The following ZRSR2 variants were observed in gnomAD, a reference collection of about 807,000 sequenced individuals.
ZRSR2 encodes the protein U2 small nuclear ribonucleoprotein auxiliary factor 35 kDa subunit-related protein 2.
Under a neutral mutation model 39.4 loss-of-function variants are expected in ZRSR2, and 3 were observed. The ratio of observed to expected loss-of-function variants is 0.08; its 90% CI spans 0.03 to 0.20. The LOEUF (loss-of-function observed/expected upper bound fraction) is 0.20. Ranked by LOEUF, ZRSR2 falls within the 10% of genes least tolerant of loss-of-function variation. The pLI is 1.00. For missense variants in ZRSR2, 256 were observed against 391.5 expected, an observed-to-expected ratio of 0.65 and a Z score of 2.92; for synonymous variants, 137 against 136.0, an observed-to-expected ratio of 1.01 and a Z score of -0.05.
intron 7 of ZRSR2, among the ~76,000 whole-genome samples, chrX:15,812,131 A>G (rs754907715): frequency 3.7e-4 from 41 of 109,886 alleles, no homozygotes; most frequent in Non-Finnish European, 6.3e-4. Context: ...GGGTTTCACC[A>G]TGTTAGCCAG....
chrX:15,815,979 G>T (rs1932967913), intron 8 of ZRSR2, 89 bp downstream of exon 8: 2 of 766,575 alleles, frequency 2.6e-6, no homozygotes, highest in Non-Finnish European at 3.7e-6. Context: ...CTCAGCTGGG[G>T]TCAGGCACGC....
chrX:15,799,383 TAA>T (rs963418718), intron 2 of ZRSR2, among the ~76,000 whole-genome samples: 1 of 110,564 alleles, frequency 9.0e-6, no homozygotes, highest in African/African-American at 3.3e-5. Context: ...TTTTTCTACT[TAA>T]GTTTTTCTCC....
chrX:15,822,234 C>T (rs1933126019), intron 10 of ZRSR2, among the ~76,000 whole-genome samples: 1 of 111,710 alleles, frequency 9.0e-6, no homozygotes, highest in African/African-American at 3.3e-5. Flanking sequence ...CAGGTCTGTG[C>T]CCGCCTCAGC....
intron 2 of ZRSR2, among the ~76,000 whole-genome samples, chrX:15,796,788 T>G (rs964244167): frequency 1.3e-5 from 1 of 76,517 alleles, no homozygotes; most frequent in Non-Finnish European, 2.5e-5. Context: ...CAAATCGTTT[T>G]TTTTTTTTTT....
intron 8 of ZRSR2, among the ~76,000 whole-genome samples, chrX:15,817,935 A>C (rs1165034253): frequency 8.9e-6 from 1 of 112,764 alleles, no homozygotes; most frequent in African/African-American, 3.2e-5. Context: ...ATTTTAAAAC[A>C]TACAAAGCAA....
chrX:15,816,031 C>T (rs1601825213), intron 8 of ZRSR2, 141 bp downstream of exon 8: 1 of 408,421 alleles, frequency 2.4e-6, no homozygotes, highest in Non-Finnish European at 4.1e-6. Flanking sequence ...TCTCTTTCCA[C>T]CCCCTACCTT....
At chrX:15,803,614 T>G in intron 3 of ZRSR2, 74 bp from the exon 4 acceptor site, 1 of 1,109,251 alleles carries the variant, frequency 9.0e-7, no homozygotes, top group Non-Finnish European at 1.2e-6. Context: ...AATGTGTCAT[T>G]TTGCTCTCGT....
At chrX:15,809,398 G>A (rs1350411392) in intron 7 of ZRSR2, 80 bp downstream of exon 7, 27 of 698,223 alleles carry the variant, frequency 3.9e-5, no homozygotes, top group South Asian at 2.2e-4. Flanking sequence ...TGGGAGAGGC[G>A]CATGTTTCCA....
intron 7 of ZRSR2, among the ~76,000 whole-genome samples, chrX:15,810,109 C>T (rs1447992905): frequency 8.9e-6 from 1 of 111,950 alleles, no homozygotes; most frequent in Non-Finnish European, 1.9e-5. Flanking sequence ...CCCAGGAGTG[C>T]TTGCTGGCAT....
chrX:15,790,747 G>A (rs772884860), intron 1 of ZRSR2, 187 bp from the exon 2 acceptor site: 16 of 622,554 alleles, frequency 2.6e-5, no homozygotes, highest in African/African-American at 2.5e-4. Flanking sequence ...GGCGGATGGA[G>A]AAGAACTGTC....
At chrX:15,793,555 T>G (rs1285186438) in intron 2 of ZRSR2, among the ~76,000 whole-genome samples, 2 of 112,099 alleles carry the variant, frequency 1.8e-5, no homozygotes, top group African/African-American at 6.5e-5. Context: ...GTTTTTTTTT[T>G]TGAGACAGAG....
intron 2 of ZRSR2, among the ~76,000 whole-genome samples, chrX:15,792,371 G>A (rs769189168): frequency 3.1e-3 from 353 of 112,293 alleles, no homozygotes; most frequent in Non-Finnish European, 5.6e-3. Flanking sequence ...GCAGTGAGCC[G>A]AGATCCTGCC....
chrX:15,812,961 A>G (rs1346586481), intron 7 of ZRSR2, among the ~76,000 whole-genome samples: 1 of 112,382 alleles, frequency 8.9e-6, no homozygotes, highest in Non-Finnish European at 1.9e-5. Context: ...GGTGGACAAT[A>G]ACTTTAATAG....
At chrX:15,815,382 C>T (rs777732650) in intron 7 of ZRSR2, among the ~76,000 whole-genome samples, 6 of 112,586 alleles carry the variant, frequency 5.3e-5, no homozygotes, top group Non-Finnish European at 9.4e-5. Flanking sequence ...CTGTAACCTC[C>T]GCCACCCGGG....
intron 7 of ZRSR2, among the ~76,000 whole-genome samples, chrX:15,810,473 A>G (rs376353870): frequency 8.9e-6 from 1 of 111,960 alleles, no homozygotes; most frequent in East Asian, 2.8e-4. Flanking sequence ...ATTCAGATGT[A>G]TTTAATCAGA....
chrX:15,800,963 A>G (rs942072387), intron 3 of ZRSR2, among the ~76,000 whole-genome samples: 13 of 112,344 alleles, frequency 1.2e-4, no homozygotes, highest in Admixed American at 3.8e-4. Flanking sequence ...GAATCAAATC[A>G]TAAGTCCATG....
At chrX:15,821,614 C>G (rs1193101550) in intron 10 of ZRSR2, among the ~76,000 whole-genome samples, 1 of 110,485 alleles carries the variant, frequency 9.1e-6, no homozygotes, top group Non-Finnish European at 1.9e-5. Flanking sequence ...TTGATGAAAT[C>G]CAACTTAACT....
chrX:15,806,547 C>T (rs1932784061), intron 5 of ZRSR2, among the ~76,000 whole-genome samples: 1 of 110,586 alleles, frequency 9.0e-6, no homozygotes, highest in Non-Finnish European at 1.9e-5. Context: ...ATGCCTCAGC[C>T]CCCCGAGTAG....
At chrX:15,791,398 T>C (rs1932272076) in intron 2 of ZRSR2, among the ~76,000 whole-genome samples, 1 of 112,222 alleles carries the variant, frequency 8.9e-6, no homozygotes, top group Non-Finnish European at 1.9e-5. Context: ...TTTCTCAAAC[T>C]TGACTAATAT....
Sources: allele counts gnomAD v4.1 joint callset (sites outside exome capture counted in the v4.1 genomes callset), GRCh38; gene constraint gnomAD v4.1.1; transcripts MANE v1.5; gene names NCBI Gene and HGNC (gene_info 2026-07-23, HGNC 2026-07-21).